RAB3GAP1: variants seen among roughly 807,000 people sequenced by gnomAD.
The protein encoded by RAB3GAP1 is RAB3 GTPase activating protein catalytic subunit 1.
In RAB3GAP1, 86 loss-of-function variants were observed where a neutral mutation model predicts 130.7. The observed-to-expected ratio is 0.66, with a 90% CI of 0.55 to 0.79. The LOEUF is 0.79. Among genes scored for constraint, RAB3GAP1 ranks in the 30% least tolerant of loss-of-function variants. The pLI is 0.00. For missense variants in RAB3GAP1, 1,029 were observed against 1,169.4 expected, an observed-to-expected ratio of 0.88 and a Z score of 1.75; for synonymous variants, 367 against 401.7, an observed-to-expected ratio of 0.91 and a Z score of 1.03.
intron 11 of RAB3GAP1, among the ~76,000 whole-genome samples, chr2:135,126,859 T>C (rs888055291): frequency 1.3e-5 from 2 of 152,148 alleles, no homozygotes; most frequent in Non-Finnish European, 2.9e-5. Context: ...GCTTTATGTT[T>C]CTGATGCTTT....
chr2:135,096,536 C>T (rs751973677), intron 5 of RAB3GAP1, among the ~76,000 whole-genome samples: 1 of 151,740 alleles, frequency 6.6e-6, no homozygotes, highest in African/African-American at 2.4e-5. Context: ...TTCCACATTC[C>T]GTTCTGGCCT....
At chr2:135,163,621 C>G (rs987452864) in intron 22 of RAB3GAP1, among the ~76,000 whole-genome samples, 2 of 152,188 alleles carry the variant, frequency 1.3e-5, no homozygotes, top group Non-Finnish European at 1.5e-5. Context: ...TTGGGGCATT[C>G]TCTTTATGAG....
At chr2:135,172,148 G>A (rs925031426), downstream of RAB3GAP1, among the ~76,000 whole-genome samples, 3 of 152,264 alleles carry the variant, frequency 2.0e-5, no homozygotes, top group East Asian at 5.8e-4. Context: ...ATCTCTTTGG[G>A]GCTGGGCGCA....
intron 3 of RAB3GAP1, among the ~76,000 whole-genome samples, chr2:135,088,676 G>A (rs1435736577): frequency 1.6e-5 from 2 of 128,398 alleles, no homozygotes; most frequent in African/African-American, 6.3e-5. Context: ...GTGACAGAGC[G>A]AGACTCCATC....
intron 17 of RAB3GAP1, among the ~76,000 whole-genome samples, chr2:135,138,749 C>T (rs1262037086): frequency 6.6e-6 from 1 of 151,862 alleles, no homozygotes; most frequent in East Asian, 1.9e-4. Flanking sequence ...GCTGGGACTA[C>T]AAGTGCTCAC....
At chr2:135,067,596 G>T (rs1558760188) in intron 3 of RAB3GAP1, among the ~76,000 whole-genome samples, 1 of 152,192 alleles carries the variant, frequency 6.6e-6, no homozygotes. Flanking sequence ...GCACACATAG[G>T]TGATGAAGAG....
At chr2:135,124,390 G>C in intron 9 of RAB3GAP1, 144 bp downstream of exon 9, 1 of 921,578 alleles carries the variant, frequency 1.1e-6, no homozygotes, top group Non-Finnish European at 1.7e-6. Flanking sequence ...CACCTGGGCT[G>C]GGCACAGGCT....
intron 10 of RAB3GAP1, 80 bp from the exon 11 acceptor site, chr2:135,126,503 A>T (rs959382674): frequency 2.3e-5 from 30 of 1,322,700 alleles, no homozygotes; most frequent in Non-Finnish European, 3.2e-5. Flanking sequence ...CTATGTTTTC[A>T]TTAGACTGCA....
chr2:135,060,702 A>G (rs1689143413), intron 3 of RAB3GAP1, among the ~76,000 whole-genome samples: 1 of 150,348 alleles, frequency 6.7e-6, no homozygotes, highest in South Asian at 2.1e-4. Context: ...TATTATTATT[A>G]TTGTTATTAT....
At chr2:135,162,472 G>A (rs745691009) in intron 19 of RAB3GAP1, 83 bp from the exon 20 acceptor site, 18 of 1,018,412 alleles carry the variant, frequency 1.8e-5, no homozygotes, top group Non-Finnish European at 2.6e-5. Context: ...AAGATGAGTG[G>A]CTGAGGATTT....
In RAB3GAP1 at chr2:135,132,938, C is replaced by G; in HGVS notation, c.1280C>G (p.Thr427Ser). 1 of 1,584,558 alleles carries G rather than the reference C, an allele frequency of 6.3e-7. No individual in the cohort carries two copies. The highest frequency in any genetic ancestry group is 8.7e-7 in the Non-Finnish European group (1 of 1,153,520). The change falls in exon 14 of 24, where the codon ACT becomes AGT. Residue 427 changes from threonine to serine, a missense_variant. By Grantham distance (58) the Thr-to-Ser change is moderately conservative. Around this residue, in one of 3 missense-constraint regions of RAB3GAP1, gnomAD observed 510 missense variants for 532.1 expected, o/e 0.96. Coordinates refer to ENST00000264158, the MANE Select transcript of RAB3GAP1 (RefSeq NM_012233.3). ...DAVSEKPLDG[T>S]TSTDNNNPPS... is the part of the protein sequence containing the mutation. ...GTTTCTGAGAAACCATTAGATGGAA[C>G]TACTTCAACAGATAATAATAATCCT...
chr2:135,126,527 A>T, intron 10 of RAB3GAP1, 56 bp from the exon 11 acceptor site: 1 of 1,456,088 alleles, frequency 6.9e-7, no homozygotes, highest in Non-Finnish European at 9.6e-7. Context: ...TAATAAGTTC[A>T]TGAATCTTGC....
chr2:135,111,112 G>A (rs910585192), intron 5 of RAB3GAP1, among the ~76,000 whole-genome samples: 2 of 152,106 alleles, frequency 1.3e-5, no homozygotes, highest in Non-Finnish European at 2.9e-5. Context: ...GTGAGGAAAT[G>A]AAATAAGTTT....
intron 2 of RAB3GAP1, among the ~76,000 whole-genome samples, chr2:135,056,053 G>A (rs1387215413): frequency 1.3e-5 from 2 of 151,056 alleles, no homozygotes; most frequent in East Asian, 3.9e-4. Flanking sequence ...AGCCAGGATG[G>A]TCTCGATCTC....
chr2:135,131,807 A>G, intron 13 of RAB3GAP1, among the ~76,000 whole-genome samples: 1 of 152,232 alleles, frequency 6.6e-6, no homozygotes, highest in South Asian at 2.1e-4. Flanking sequence ...ACTGCCTGGC[A>G]TATATGGGTC....
At chr2:135,147,615 T>TCCCCCCCC (rs1553448280) in intron 17 of RAB3GAP1, among the ~76,000 whole-genome samples, 7 of 132,980 alleles carry the variant, frequency 5.3e-5, no homozygotes, top group South Asian at 5.8e-4. Context: ...AGTAGTCCCC[T>TCCCCCCCC]CCCCCCCCCT....
At chr2:135,134,965 G>T (rs936745643) in intron 15 of RAB3GAP1, among the ~76,000 whole-genome samples, 2 of 152,148 alleles carry the variant, frequency 1.3e-5, no homozygotes, top group Non-Finnish European at 2.9e-5. Flanking sequence ...CCTGGAGTGG[G>T]TTCAGGGGCT....
intron 5 of RAB3GAP1, among the ~76,000 whole-genome samples, chr2:135,109,827 C>T (rs915284989): frequency 6.6e-6 from 1 of 152,168 alleles, no homozygotes; most frequent in Non-Finnish European, 1.5e-5. Flanking sequence ...CATGGTCCGC[C>T]TGCCTCGGCC....
At chr2:135,058,190 G>A (rs1232818014) in intron 3 of RAB3GAP1, 104 bp downstream of exon 3, 10 of 966,230 alleles carry the variant, frequency 1.0e-5, no homozygotes, top group Admixed American at 2.0e-5. Flanking sequence ...GTTTTTTAAA[G>A]TTACGTATAA....
Sources: allele counts gnomAD v4.1 joint callset (sites outside exome capture counted in the v4.1 genomes callset), GRCh38; gene constraint gnomAD v4.1.1; regional missense constraint gnomAD v4.1.1; transcripts MANE v1.5; gene names NCBI Gene and HGNC (gene_info 2026-07-23, HGNC 2026-07-21).